Variants in MUC4 observed in about 807,000 individuals in gnomAD.
The protein encoded by MUC4 is mucin-4.
Under a neutral mutation model 257.9 loss-of-function variants are expected in MUC4, and 202 were observed. The ratio of observed to expected loss-of-function variants is 0.78; its 90% CI spans 0.70 to 0.88. The LOEUF (loss-of-function observed/expected upper bound fraction) is 0.88, where lower values mean the gene tolerates loss of function less well. Among genes scored for constraint, MUC4 ranks in the 40% least tolerant of loss-of-function variants. The pLI is 0.00. For synonymous variants in MUC4, 2,351 were observed against 2,757.1 expected (o/e 0.85, Z 4.62); for missense variants, 5,976 against 6,513.7 (o/e 0.92, Z 2.84).
chr3:195,763,458 C>A lies in MUC4; in HGVS notation c.14228G>T (p.Arg4743Leu). Reference protein sequence around the residue: ...TNFIAFAAQYRSSSLGPVTVQ... With the variant: ...TNFIAFAAQYLSSSLGPVTVQ... ...CGTGACGGGGCCCAGGCTGCTGGAG[C>A]GGTACTGAGCCGCAAAGGCGATGAA... Residue 4743 changes from arginine (R) to leucine (L), a missense_variant, in exon 12 of 25, where the codon CGC becomes CTC. By Grantham distance (102) the Arg-to-Leu change is moderately radical (BLOSUM62 -2). Coordinates refer to ENST00000463781, the MANE Select transcript of MUC4 (RefSeq NM_018406.7). 6.9e-7 allele frequency: 1 copy of A among 1,448,254 alleles called. No individual in the cohort carries two copies. The highest frequency in any genetic ancestry group is 9.1e-7 in the Non-Finnish European group (1 of 1,093,884). 89.7% of individuals were successfully genotyped at this position (1,448,254 alleles called of 1,614,324 possible).
Position 195,789,702 on chromosome 3 carries a change from G to C in MUC4, c.1878C>G (p.Thr626=). 2 of 1,613,990 alleles carry C rather than the reference G, an allele frequency of 1.2e-6. No homozygotes were observed. The highest frequency in any genetic ancestry group is 1.7e-6 in the Non-Finnish European group (2 of 1,179,870). The change falls in exon 2 of 25, where the codon ACC becomes ACG. Residue 626 remains threonine (T), a synonymous_variant. Coordinates refer to ENST00000463781, the MANE Select transcript of MUC4 (RefSeq NM_018406.7). ...TNHSTIHSTS[T]SPQESPAVSQ... ...AAACAGCTGGTGATTCCTGAGGAGA[G>C]GTGCTTGTGGAATGTATTGTTGAAT...
chr3:195,794,109 A>AATAAT (rs1553888499), intron 1 of MUC4, among the ~76,000 whole-genome samples: 13,374 of 122,798 alleles, frequency 0.11, 651 homozygotes, highest in Middle Eastern at 0.2. Flanking sequence ...ATAATAATAA[A>AATAAT]AATAGATATT....
intron 3 of MUC4, among the ~76,000 whole-genome samples, chr3:195,776,006 A>G: frequency 6.6e-5 from 3 of 45,416 alleles, no homozygotes; most frequent in African/African-American, 1.4e-4. Flanking sequence ...CATACCTTCC[A>G]CACCCATACC....
chr3:195,771,828 G>A lies in MUC4; in HGVS notation c.13078-12C>T. 6.2e-7 allele frequency: 1 copy of A among 1,611,714 alleles called. No individual in the cohort carries two copies. The highest frequency in any genetic ancestry group is 1.1e-5 in the South Asian group (1 of 91,004). ...CCATTGTCTGTGAACTGAGCACATGGGTTTTGTGGTCAGCATTCAGGGAGG... is the reference window on the plus strand; with the variant it reads ...CCATTGTCTGTGAACTGAGCACATGAGTTTTGTGGTCAGCATTCAGGGAGG... On this transcript the variant is annotated splice_polypyrimidine_tract_variant and intron_variant, in intron 4 of 24. Transcript: ENST00000463781.
In MUC4 at chr3:195,783,114, A is replaced by T; in HGVS notation, c.8466T>A (p.Ala2822=). ...TGGCATGACCTGTGAACACTGAGGA[A>T]GCGTCGGTGACAGGAAGAGAGGTGG... ...GHATSLPVTD[A]SSVFTGHATS... The change falls in exon 2 of 25, where the codon GCT becomes GCA. Residue 2822 remains alanine, a synonymous_variant. Coordinates refer to ENST00000463781, the MANE Select transcript of MUC4 (RefSeq NM_018406.7). 8.1e-7 allele frequency: 1 copy of T among 1,232,624 alleles called. No individual in the cohort carries two copies. Among genetic ancestry groups the T allele is most frequent in the Non-Finnish European group, 1.1e-6 (1 of 927,540 alleles). 76.4% of individuals were successfully genotyped at this position (1,232,624 alleles called of 1,614,324 possible).
chr3:195,754,391 T>G lies in MUC4; in HGVS notation c.15169-19A>C, dbSNP rs755979753. 3.8e-6 allele frequency: 6 copies of G among 1,594,124 alleles called. No individual in the cohort carries two copies. Among genetic ancestry groups the G allele is most frequent in the Non-Finnish European group, 4.3e-6 (5 of 1,168,498 alleles). On this transcript the variant is annotated intron_variant, in intron 18 of 24. Coordinates refer to ENST00000463781, the MANE Select transcript of MUC4 (RefSeq NM_018406.7). ...CAGCCACCTGGAGGAGGGTTGCCGATCACGGGCGGCCAGGAGACCAAACTG... is the reference window on the plus strand; with the variant it reads ...CAGCCACCTGGAGGAGGGTTGCCGAGCACGGGCGGCCAGGAGACCAAACTG...
chr3:195,758,731 T>C (rs956145822), intron 17 of MUC4, among the ~76,000 whole-genome samples: 1 of 150,794 alleles, frequency 6.6e-6, no homozygotes, highest in African/African-American at 2.4e-5. Flanking sequence ...CCTGGCTTTT[T>C]TTTTTTTTTT....
intron 20 of MUC4, 194 bp from the exon 21 acceptor site, chr3:195,752,640 C>G (rs1340852330): frequency 4.9e-6 from 3 of 617,496 alleles, no homozygotes; most frequent in Non-Finnish European, 8.7e-6. Context: ...AAGTGGCCCT[C>G]ACCCTACATT....
rs576687338 is a variant in MUC4, at chr3:195,791,826, A to G, written c.83-329T>C. ...GGAACAGAATAGATACCTTGGAAAT[A>G]AGACCACACATCTACAACCATCTGA... On this transcript the variant is annotated intron_variant, in intron 1 of 24. Coordinates refer to ENST00000463781, the MANE Select transcript of MUC4 (RefSeq NM_018406.7). Among the ~76,000 whole-genome samples, 5 of 152,352 alleles carry G rather than the reference A, an allele frequency of 3.3e-5. No individual in the cohort carries two copies. In the South Asian group the frequency reaches 1.0e-3, roughly 32 times the overall value.
At position 195,788,540 on chromosome 3, in the gene MUC4, G is replaced by C. The variant is rs55803325; in HGVS notation, c.3040C>G (p.Pro1014Ala). Residue 1014 changes from proline to alanine, a missense_variant, in exon 2 of 25, where the codon CCT (proline) becomes GCT (alanine). This residue lies in a region of MUC4 where 1,583 missense variants were observed against 1,257.4 expected (regional missense o/e 1.26). Transcript: ENST00000463781. ...GHATPLPVTSPSSVSTGHTTP... is the reference protein window; with the variant it reads ...GHATPLPVTSASSVSTGHTTP... ...GTGTGACCTGTGGATACTGAGGAAG[G>C]GCTGGTGACAGGAAGAGGGGTGGCG... 9.6e-4 allele frequency: 847 copies of C among 884,816 alleles called. No individual in the cohort carries two copies. In the African/African-American group the frequency reaches 0.017, roughly 17 times the overall value. 54.8% of individuals were successfully genotyped at this position (884,816 alleles called of 1,614,324 possible). A position where few individuals can be genotyped will look rare whatever the true frequency, so the allele number is the denominator to read the frequency against.
chr3:195,757,262 C>T lies in MUC4; in HGVS notation c.15053G>A (p.Ser5018Asn), dbSNP rs746397929. Residue 5018 changes from serine (S) to asparagine (N), a missense_variant, in exon 18 of 25, where the codon AGT (serine) becomes AAT (asparagine). Coordinates refer to ENST00000463781, the MANE Select transcript of MUC4 (RefSeq NM_018406.7). The surrounding 1 kb of genome is among the most constrained non-coding windows in gnomAD (Gnocchi z 4.8). ...EPFTLEILAR[S>N]AKIGLASALQ... ...TGCAGATGCCAAGCCAATCTTGGCA[C>T]TTCTTGCTAGAATCTCCAGAGTGAA... 4 of 1,613,426 alleles carry T rather than the reference C, an allele frequency of 2.5e-6. No homozygotes were observed. Among genetic ancestry groups the T allele is most frequent in the Non-Finnish European group, 3.4e-6 (4 of 1,179,372 alleles).
chr3:195,758,813 C>T (rs925527775), intron 17 of MUC4, among the ~76,000 whole-genome samples: 6 of 151,364 alleles, frequency 4.0e-5, no homozygotes, highest in African/African-American at 7.3e-5. Flanking sequence ...TCAGATGATC[C>T]GCCCACCTCG....
intron 1 of MUC4, 76 bp downstream of exon 1, chr3:195,811,660 A>C (rs1216356780): frequency 1.6e-5 from 21 of 1,290,948 alleles, no homozygotes; most frequent in Middle Eastern, 1.9e-4. Flanking sequence ...GTCTCCCCGG[A>C]CCTCTTTCTC....
chr3:195,753,033 C>CCCAGGAAGAGTGCGGGGGTGAGAGGGT lies in MUC4; in HGVS notation c.15508+17_15508+18insACCCTCTCACCCCCGCACTCTTCCTGG, dbSNP rs1716796185. The CCCAGGAAGAGTGCGGGGGTGAGAGGGT allele has an allele frequency of 2.5e-6, 4 of 1,595,848 alleles. No homozygotes were observed. Among genetic ancestry groups the CCCAGGAAGAGTGCGGGGGTGAGAGGGT allele is most frequent in the Admixed American group, 1.7e-5 (1 of 58,868 alleles). ...CAGGAAGAGTGCGGGGGTGAGAGGG[C>CCCAGGAAGAGTGCGGGGGTGAGAGGGT]GGGGTCTCTGGCGGTACCTAGGTTG... is the stretch of plus-strand genomic sequence containing the variant. On this transcript the variant is annotated intron_variant, in intron 20 of 24. Coordinates refer to ENST00000463781, the MANE Select transcript of MUC4 (RefSeq NM_018406.7).
rs370241329 is a variant in MUC4 at position 195,769,156 on chromosome 3, G to C, written c.13399-4C>G. 7 of 1,613,842 alleles carry C rather than the reference G, an allele frequency of 4.3e-6. No individual in the cohort carries two copies. The highest frequency in any genetic ancestry group is 2.7e-5 in the African/African-American group (2 of 74,918). ...GGATGGCTTGGTAGGTGTTGCTCTG[G>C]GGGTGGGTGGAAGAAAACACAGGGA... is the stretch of plus-strand genomic sequence containing the variant. On this transcript the variant is annotated splice_polypyrimidine_tract_variant and splice_region_variant and intron_variant, in intron 6 of 24. Coordinates refer to ENST00000463781, the MANE Select transcript of MUC4 (RefSeq NM_018406.7).
At position 195,765,217 on chromosome 3, in the gene MUC4, G is replaced by A. The variant is rs948356368; in HGVS notation, c.13798+53C>T. 110 of 1,587,974 alleles carry A rather than the reference G, an allele frequency of 6.9e-5. 1 individual carries two copies. The highest frequency in any genetic ancestry group is 3.5e-4 in the Middle Eastern group (2 of 5,792). On this transcript the variant is annotated intron_variant, in intron 9 of 24. Coordinates refer to ENST00000463781, the MANE Select transcript of MUC4 (RefSeq NM_018406.7). ...CTGTTTCTGGGGAGAGGCTGAGGGC[G>A]TGAGCAGAGAGGGTGGTGGGTGGGC...
Position 195,771,693 on chromosome 3 carries a change from CGT to C in MUC4, c.13199_13200del (p.Asp4400GlyfsTer3). ...CCCCGACCAGTGGAGAAGTCAGCAT[CGT>C]CCCAGAACGGAGCCACCAGGGCCAC... ...DPVALVAPFW[D>X]DADFSTGRGT... On this transcript the variant is annotated frameshift_variant, in exon 5 of 25. Transcript: ENST00000463781. LOFTEE classifies it high-confidence loss of function. The C allele has an allele frequency of 6.2e-7, 1 of 1,613,920 alleles. No individual in the cohort carries two copies. The highest frequency in any genetic ancestry group is 1.1e-5 in the South Asian group (1 of 91,080).
chr3:195,748,426 T>C (rs772036717), intron 24 of MUC4, among the ~76,000 whole-genome samples: 37 of 152,322 alleles, frequency 2.4e-4, no homozygotes, highest in Non-Finnish European at 4.0e-4. Context: ...CAGCTGGGCG[T>C]GGTGGTGCAT....
intron 24 of MUC4, among the ~76,000 whole-genome samples, chr3:195,748,066 A>C (rs1334572416): frequency 6.6e-6 from 1 of 151,296 alleles, no homozygotes; most frequent in African/African-American, 2.4e-5. Context: ...CTGGAACTGC[A>C]GCTGGCGGAG....
Sources: gnomAD v4.1 joint callset for allele counts (sites outside exome capture counted in the v4.1 genomes callset) on GRCh38, gnomAD v4.1.1 for gene constraint, gnomAD v4.1.1 regional missense constraint, Gnocchi (gnomAD v3.1) non-coding constraint, MANE v1.5 for transcripts, NCBI Gene and HGNC (gene_info 2026-07-23, HGNC 2026-07-21) for gene names.